The following LRRTM4 variants were observed in gnomAD, a reference collection of about 807,000 sequenced individuals.
LRRTM4 encodes the protein leucine rich repeat transmembrane neuronal 4, also known as leucine-rich repeat transmembrane neuronal protein 4.
A neutral mutation model predicts 47.6 loss-of-function variants in LRRTM4; 25 were observed. The observed-to-expected ratio is 0.53, with a 90% CI of 0.38 to 0.73. The LOEUF (loss-of-function observed/expected upper bound fraction) is 0.73, where lower values mean the gene tolerates loss of function less well. Among genes scored for constraint, LRRTM4 ranks in the 30% least tolerant of loss-of-function variants. The pLI, the probability that LRRTM4 is intolerant of heterozygous loss-of-function variation, is 0.00. For missense variants in LRRTM4, 638 were observed against 713.4 expected, an observed-to-expected ratio of 0.89 and a Z score of 1.20; for synonymous variants, 311 against 269.5, an observed-to-expected ratio of 1.15 and a Z score of -1.51.
At chr2:77,175,073 TC>T (rs1673155696) in intron 3 of LRRTM4, among the ~76,000 whole-genome samples, 1 of 98,584 alleles carries the variant, frequency 1.0e-5, no homozygotes, top group East Asian at 3.7e-4. Flanking sequence ...ATTTCTTTTT[TC>T]TTTTTTTTTT....
intron 3 of LRRTM4, among the ~76,000 whole-genome samples, chr2:76,956,347 C>T (rs775278948): frequency 1.0e-3 from 157 of 151,032 alleles, no homozygotes; most frequent in Admixed American, 4.2e-3. Flanking sequence ...ATAACTAATA[C>T]GTAAAGAAGG....
intron 3 of LRRTM4, among the ~76,000 whole-genome samples, chr2:77,212,773 C>T (rs2103926590): frequency 6.6e-6 from 1 of 152,100 alleles, no homozygotes; most frequent in Middle Eastern, 3.4e-3. Context: ...GTATGCATTA[C>T]ATTAGGCAAA....
At chr2:77,083,886 G>A (rs1572940544) in intron 3 of LRRTM4, among the ~76,000 whole-genome samples, 2 of 134,034 alleles carry the variant, frequency 1.5e-5, no homozygotes, top group Admixed American at 1.7e-4. Context: ...CTCACTGCAA[G>A]CTCCGCCTCC....
chr2:77,242,844 C>T (rs933854170), intron 3 of LRRTM4, among the ~76,000 whole-genome samples: 1 of 152,046 alleles, frequency 6.6e-6, no homozygotes, highest in Non-Finnish European at 1.5e-5. Context: ...TAGAATTACC[C>T]TATAATCCAA....
At chr2:77,447,406 T>C (rs1676094851) in intron 3 of LRRTM4, among the ~76,000 whole-genome samples, 1 of 152,110 alleles carries the variant, frequency 6.6e-6, no homozygotes, top group South Asian at 2.1e-4. Flanking sequence ...TGCAGAAAAC[T>C]GTATCCGGCT....
At chr2:77,248,738 C>T (rs569149531) in intron 3 of LRRTM4, among the ~76,000 whole-genome samples, 32 of 152,016 alleles carry the variant, frequency 2.1e-4, no homozygotes, top group South Asian at 1.5e-3. Flanking sequence ...CTGAAATAGA[C>T]GCACATAATT....
chr2:77,424,107 GT>G (rs34677564), intron 3 of LRRTM4, among the ~76,000 whole-genome samples: 48,260 of 151,910 alleles, frequency 0.32, 7,889 homozygotes, highest in South Asian at 0.37. Context: ...GGTGGCAGAT[GT>G]TACTGTACTT....
chr2:76,838,229 C>G (rs1671574572), intron 3 of LRRTM4, among the ~76,000 whole-genome samples: 1 of 151,886 alleles, frequency 6.6e-6, no homozygotes, highest in African/African-American at 2.4e-5. Flanking sequence ...TCACATATAT[C>G]ATTCAATTTA....
intron 3 of LRRTM4, among the ~76,000 whole-genome samples, chr2:77,450,919 G>T (rs1348301217): frequency 6.6e-6 from 1 of 152,072 alleles, no homozygotes; most frequent in Admixed American, 6.6e-5. Context: ...CACTGCCTAT[G>T]TTTTAATTTT....
intron 3 of LRRTM4, among the ~76,000 whole-genome samples, chr2:77,507,964 G>A (rs933840749): frequency 4.6e-5 from 7 of 152,046 alleles, no homozygotes; most frequent in Non-Finnish European, 8.8e-5. Context: ...AGAGAAGTAC[G>A]TACAAATCCA....
At chr2:76,789,139 C>G (rs1236610925) in intron 3 of LRRTM4, among the ~76,000 whole-genome samples, 1 of 152,170 alleles carries the variant, frequency 6.6e-6, no homozygotes, top group Non-Finnish European at 1.5e-5. Flanking sequence ...CACTCACACT[C>G]CCTACCTCAA....
chr2:76,747,999 C>A lies in LRRTM4; in HGVS notation c.*696G>T, dbSNP rs1672704607. ...AAAACAAAATTCCTTCTATCATGTA[C>A]CATATATGGCATTTGTCATGAAGGG... On this transcript the variant is annotated 3_prime_UTR_variant, in exon 4 of 4. Transcript: ENST00000409884. 1 of 152,234 alleles carries A rather than the reference C, an allele frequency of 6.6e-6. No homozygotes were observed. The highest frequency in any genetic ancestry group is 2.4e-5 in the African/African-American group (1 of 41,414). 9.4% of individuals were successfully genotyped at this position (152,234 alleles called of 1,614,324 possible).
chr2:76,900,811 A>G (rs972285556), intron 3 of LRRTM4, among the ~76,000 whole-genome samples: 9 of 152,208 alleles, frequency 5.9e-5, no homozygotes, highest in African/African-American at 2.2e-4. Flanking sequence ...GAAAATGTTC[A>G]CAATATGCTA....
At chr2:77,327,996 T>C (rs1475791142) in intron 3 of LRRTM4, among the ~76,000 whole-genome samples, 1 of 151,898 alleles carries the variant, frequency 6.6e-6, no homozygotes, top group Non-Finnish European at 1.5e-5. Context: ...AAAGAAAGGG[T>C]CCTTCGTGGA....
intron 3 of LRRTM4, among the ~76,000 whole-genome samples, chr2:77,226,473 T>C (rs1296666615): frequency 6.6e-6 from 1 of 151,226 alleles, no homozygotes; most frequent in Non-Finnish European, 1.5e-5. Flanking sequence ...CCTGCCATTG[T>C]TGGTGTTTGT....
intron 3 of LRRTM4, among the ~76,000 whole-genome samples, chr2:77,012,689 T>C (rs953075563): frequency 5.9e-5 from 9 of 152,154 alleles, no homozygotes; most frequent in Admixed American, 6.6e-5. Context: ...GAAGCATGAA[T>C]TGAGTGACCC....
At chr2:76,852,148 G>A (rs1028343484) in intron 3 of LRRTM4, among the ~76,000 whole-genome samples, 3 of 152,030 alleles carry the variant, frequency 2.0e-5, no homozygotes, top group African/African-American at 7.2e-5. Flanking sequence ...CAACCATATT[G>A]AAAATTGCAC....
chr2:77,087,747 C>T (rs771236187), intron 3 of LRRTM4, among the ~76,000 whole-genome samples: 14 of 151,898 alleles, frequency 9.2e-5, no homozygotes, highest in Non-Finnish European at 1.5e-4. Context: ...TACAAAGGTA[C>T]ATAGCATTAT....
chr2:76,784,110 T>A (rs1469221463), intron 3 of LRRTM4, among the ~76,000 whole-genome samples: 1 of 152,132 alleles, frequency 6.6e-6, no homozygotes. Context: ...AAATTCATGA[T>A]ATATTAATAT....
Sources: gnomAD v4.1 joint callset for allele counts (sites outside exome capture counted in the v4.1 genomes callset) on GRCh38, gnomAD v4.1.1 for gene constraint, MANE v1.5 for transcripts, NCBI Gene and HGNC (gene_info 2026-07-23, HGNC 2026-07-21) for gene names.